The following RUNX2 variants were observed in gnomAD, a reference collection of about 807,000 sequenced individuals.
The protein encoded by RUNX2 is RUNX family transcription factor 2, also known as runt-related transcription factor 2.
In RUNX2, 10 loss-of-function variants were observed where a neutral mutation model predicts 51.7. That is an observed-to-expected ratio of 0.19 (90% CI 0.12 to 0.33). RUNX2 has a LOEUF of 0.33. RUNX2 is among the 10% of genes least tolerant of loss of function. RUNX2 has a pLI of 1.00. For missense variants in RUNX2, 562 were observed against 691.3 expected (o/e 0.81, Z 2.10); for synonymous variants, 276 against 273.6 (o/e 1.01, Z -0.09).
intron 5 of RUNX2, among the ~76,000 whole-genome samples, chr6:45,463,473 A>G (rs1269548735): frequency 6.6e-6 from 1 of 152,142 alleles, no homozygotes; most frequent in Non-Finnish European, 1.5e-5. Context: ...GGGGAGAAAA[A>G]TTCTTTCCAA....
intron 7 of RUNX2, among the ~76,000 whole-genome samples, chr6:45,540,823 G>A (rs1017246715): frequency 6.6e-6 from 1 of 151,806 alleles, no homozygotes; most frequent in Non-Finnish European, 1.5e-5. Flanking sequence ...TACTGGCTGG[G>A]AGGCAGGACA....
Position 45,543,692 on chromosome 6 carries a change from G to A in RUNX2, c.1022-1525G>A, listed in dbSNP as rs1213274405. Among the ~76,000 whole-genome samples the A allele has an allele frequency of 5.3e-5, 8 of 152,158 alleles. No homozygotes were observed. In the East Asian group the frequency reaches 1.5e-3, roughly 29 times the overall value. On this transcript the variant is annotated intron_variant, in intron 7 of 8. Coordinates refer to ENST00000647337, the MANE Select transcript of RUNX2 (RefSeq NM_001024630.4). Reference sequence around the variant, plus strand: ...ATGTTGGTAAGTTTGTGGCTACAATGTGGTTGGTGACACAAGGATGACTAG... The same window carrying A: ...ATGTTGGTAAGTTTGTGGCTACAATATGGTTGGTGACACAAGGATGACTAG...
At chr6:45,520,216 C>T (rs146412253) in intron 7 of RUNX2, among the ~76,000 whole-genome samples, 187 of 152,292 alleles carry the variant, frequency 1.2e-3, no homozygotes, top group African/African-American at 4.2e-3. Context: ...CCTTTTGTTG[C>T]TGACTTTGTC....
chr6:45,398,020 G>A (rs1173940303), intron 2 of RUNX2, among the ~76,000 whole-genome samples: 1 of 152,172 alleles, frequency 6.6e-6, no homozygotes, highest in East Asian at 1.9e-4. Context: ...TGGATATCCA[G>A]TCTGTGTGAA....
intron 6 of RUNX2, among the ~76,000 whole-genome samples, chr6:45,509,363 T>C (rs1024019261): frequency 6.6e-6 from 1 of 152,220 alleles, no homozygotes; most frequent in Non-Finnish European, 1.5e-5. Flanking sequence ...TAATATGTGC[T>C]AAGAGTGCCA....
chr6:45,464,118 G>A (rs1008349713), intron 5 of RUNX2, among the ~76,000 whole-genome samples: 17 of 151,998 alleles, frequency 1.1e-4, no homozygotes, highest in Non-Finnish European at 1.8e-4. Flanking sequence ...GCGTGAACCC[G>A]GGAGGTGGAG....
At chr6:45,388,584 G>C (rs549959646) in intron 2 of RUNX2, among the ~76,000 whole-genome samples, 2 of 152,328 alleles carry the variant, frequency 1.3e-5, no homozygotes, top group Admixed American at 6.5e-5. Context: ...ACTTGCACTA[G>C]AGCATCTACA....
chr6:45,474,314 A>G lies in RUNX2; in HGVS notation c.686-17627A>G, dbSNP rs190944555. Among the ~76,000 whole-genome samples the G allele has an allele frequency of 6.3e-3, 958 of 152,148 alleles. 9 individuals are homozygous for G. Among genetic ancestry groups the G allele is most frequent in the African/African-American group, 0.022 (896 of 41,486 alleles). ...GTATAATGGCTAGGGAATATTTGGG[A>G]ATAAACTAAGTTAGGAAAAGATATT... On this transcript the variant is annotated intron_variant, in intron 5 of 8. Coordinates refer to ENST00000647337, the MANE Select transcript of RUNX2 (RefSeq NM_001024630.4).
intron 2 of RUNX2, among the ~76,000 whole-genome samples, chr6:45,363,208 A>C (rs1377348229): frequency 6.6e-6 from 1 of 152,194 alleles, no homozygotes; most frequent in African/African-American, 2.4e-5. Context: ...ATAGATGAAT[A>C]AGCCTGGGTA....
intron 5 of RUNX2, among the ~76,000 whole-genome samples, chr6:45,454,567 T>C (rs1463208915): frequency 1.3e-5 from 2 of 152,206 alleles, no homozygotes; most frequent in African/African-American, 4.8e-5. Flanking sequence ...TTTGAAGGAA[T>C]AGGTGGCATT....
At chr6:45,367,792 A>G (rs182663100) in intron 2 of RUNX2, among the ~76,000 whole-genome samples, 1 of 152,316 alleles carries the variant, frequency 6.6e-6, no homozygotes, top group East Asian at 1.9e-4. Flanking sequence ...TTTCAAATCC[A>G]GTCACCAAAC....
intron 5 of RUNX2, among the ~76,000 whole-genome samples, chr6:45,440,197 T>A (rs1798802793): frequency 1.3e-5 from 2 of 152,208 alleles, no homozygotes; most frequent in Admixed American, 1.3e-4. Context: ...GAGAGAAGCA[T>A]GGGTCTGCTT....
chr6:45,334,701 A>G (rs1018545308), intron 2 of RUNX2, among the ~76,000 whole-genome samples: 12 of 151,330 alleles, frequency 7.9e-5, no homozygotes, highest in African/African-American at 2.9e-4. Context: ...ATACACATGC[A>G]TGAGTGTGAA....
chr6:45,387,831 A>G (rs1797384205), intron 2 of RUNX2, among the ~76,000 whole-genome samples: 1 of 152,184 alleles, frequency 6.6e-6, no homozygotes, highest in African/African-American at 2.4e-5. Flanking sequence ...TGATGCTAAA[A>G]CGAGAATCAG....
intron 2 of RUNX2, among the ~76,000 whole-genome samples, chr6:45,382,188 G>A (rs892847141): frequency 1.3e-5 from 2 of 152,264 alleles, no homozygotes; most frequent in South Asian, 2.1e-4. Flanking sequence ...ACATTTCAAC[G>A]GATTGTTGTA....
chr6:45,461,752 ATT>A (rs5875922), intron 5 of RUNX2, among the ~76,000 whole-genome samples: 4 of 146,588 alleles, frequency 2.7e-5, no homozygotes, highest in East Asian at 2.0e-4. Context: ...GAGGCTTACT[ATT>A]TTTTTTTTTT....
chr6:45,437,750 G>C (rs1798725540), intron 4 of RUNX2, among the ~76,000 whole-genome samples, 197 bp from the exon 5 acceptor site: 1 of 152,118 alleles, frequency 6.6e-6, no homozygotes, highest in Non-Finnish European at 1.5e-5. Flanking sequence ...CGATGATCTT[G>C]ACTCTAAGCA....
intron 2 of RUNX2, among the ~76,000 whole-genome samples, chr6:45,407,349 T>C (rs1461201109): frequency 1.3e-5 from 2 of 152,024 alleles, no homozygotes; most frequent in East Asian, 3.9e-4. Context: ...ACTAGCAGCC[T>C]CAGATATATG....
In RUNX2 at chr6:45,431,929, T is replaced by C. The variant is rs1798553087; in HGVS notation, c.490T>C (p.Tyr164His). Residue 164 changes from tyrosine to histidine, a missense_variant, in exon 4 of 9, where the codon TAT (tyrosine) becomes CAT (histidine). Coordinates refer to ENST00000647337, the MANE Select transcript of RUNX2 (RefSeq NM_001024630.4). ...VTVMAGNDEN[Y>H]SAELRNASAV... ...TGTCATGGCGGGTAACGATGAAAAT[T>C]ATTCTGCTGAGCTCCGGAATGCCTC... The C allele has an allele frequency of 6.2e-7, 1 of 1,614,018 alleles. No individual in the cohort carries two copies.
Sources: allele counts gnomAD v4.1 joint callset (sites outside exome capture counted in the v4.1 genomes callset), GRCh38; gene constraint gnomAD v4.1.1; transcripts MANE v1.5; gene names NCBI Gene and HGNC (gene_info 2026-07-23, HGNC 2026-07-21).